HMGB1: variants seen among roughly 807,000 people sequenced by gnomAD.
The protein encoded by HMGB1 is high mobility group protein B1.
For synonymous variants in HMGB1, 81 were observed against 84.0 expected, an observed-to-expected ratio of 0.96 and a Z score of 0.19; for missense variants, 79 against 253.5, an observed-to-expected ratio of 0.31 and a Z score of 4.67.
rs557188960 is a variant in HMGB1, at chr13:30,495,706, C to A, written c.-14-32012G>T. Reference sequence around the variant, plus strand: ...TGTTAGCCAGGATGGTCTCGATCTCCTGACCCTGTGATCCGCCCGCGTTGG... The same window carrying A: ...TGTTAGCCAGGATGGTCTCGATCTCATGACCCTGTGATCCGCCCGCGTTGG... On this transcript the variant is annotated intron_variant, in intron 1 of 4. Coordinates refer to the HMGB1 transcript ENST00000405805. Among the ~76,000 whole-genome samples the A allele has an allele frequency of 5.9e-5, 9 of 152,298 alleles. 1 individual carries two copies. The South Asian group carries it at 1.9e-3, about 32-fold the overall frequency.
intron 1 of HMGB1, chr13:30,464,057 G>T (rs1886539513): frequency 1.0e-6 from 1 of 969,478 alleles, no homozygotes; most frequent in South Asian, 4.7e-5. Flanking sequence ...CCAAAGGTCA[G>T]AAAACATGCT....
chr13:30,488,533 G>A (rs1462224041), intron 1 of HMGB1, among the ~76,000 whole-genome samples: 1 of 151,890 alleles, frequency 6.6e-6, no homozygotes, highest in Non-Finnish European at 1.5e-5. Flanking sequence ...GCCCAGGCTG[G>A]AGTGCAGTGG....
chr13:30,564,279 A>C (rs1198553909), intron 1 of HMGB1, among the ~76,000 whole-genome samples: 2 of 34,094 alleles, frequency 5.9e-5, no homozygotes, highest in East Asian at 3.0e-3. Flanking sequence ...CTAAAAATGC[A>C]AAAAAAAAAA....
chr13:30,610,783 A>T (rs1441365003), intron 1 of HMGB1, among the ~76,000 whole-genome samples: 1 of 152,220 alleles, frequency 6.6e-6, no homozygotes, highest in Non-Finnish European at 1.5e-5. Flanking sequence ...GCTTAGCAAA[A>T]CAGAGGTAGG....
chr13:30,531,568 AT>A (rs1888497074), intron 1 of HMGB1, among the ~76,000 whole-genome samples: 1 of 143,340 alleles, frequency 7.0e-6, no homozygotes, highest in African/African-American at 2.7e-5. Flanking sequence ...TTTCAGCGAA[AT>A]TTTTTTCCTG....
intron 1 of HMGB1, chr13:30,463,987 G>T: frequency 2.1e-6 from 1 of 472,836 alleles, no homozygotes; most frequent in Non-Finnish European, 2.9e-6. Context: ...CTCTGAATGA[G>T]TATCTAACTG....
At chr13:30,505,266 C>T (rs925179458) in intron 1 of HMGB1, among the ~76,000 whole-genome samples, 2 of 152,102 alleles carry the variant, frequency 1.3e-5, no homozygotes, top group Non-Finnish European at 2.9e-5. Context: ...GCAACCTCCG[C>T]CTCCTGGGTT....
At chr13:30,603,983 T>C (rs1212516081) in intron 1 of HMGB1, among the ~76,000 whole-genome samples, 2 of 152,198 alleles carry the variant, frequency 1.3e-5, no homozygotes, top group Non-Finnish European at 2.9e-5. Flanking sequence ...AACGACTGTA[T>C]GCATTTTGAC....
intron 1 of HMGB1, among the ~76,000 whole-genome samples, chr13:30,529,028 CAAAAAAAAAAAAAA>C (rs59654057): frequency 2.5e-3 from 132 of 53,548 alleles, no homozygotes; most frequent in African/African-American, 8.3e-3. Context: ...GACTGCGTCT[CAAAAAAAAAAAAAA>C]AAAAAAAAAA....
intron 1 of HMGB1, among the ~76,000 whole-genome samples, chr13:30,491,326 G>A (rs552424346): frequency 5.6e-5 from 8 of 143,242 alleles, no homozygotes; most frequent in African/African-American, 1.8e-4. Flanking sequence ...CACCGCGCCT[G>A]GCCCATAGGA....
exon 1 of HMGB1, chr13:30,617,419 C>CT (rs1950578793): frequency 6.6e-6 from 1 of 151,992 alleles, no homozygotes. Flanking sequence ...CGCGGCCCAG[C>CT]TGTGAAGGCC....
At chr13:30,550,416 T>C (rs1248161227) in intron 1 of HMGB1, among the ~76,000 whole-genome samples, 1 of 152,194 alleles carries the variant, frequency 6.6e-6, no homozygotes, top group Non-Finnish European at 1.5e-5. Context: ...AACGACTGAA[T>C]GGAATGAGAG....
chr13:30,540,718 G>C (rs993566901), intron 1 of HMGB1: 1 of 152,048 alleles, frequency 6.6e-6, no homozygotes, highest in African/African-American at 2.4e-5. Flanking sequence ...CTGAGTAGCT[G>C]GGATTACAGG....
chr13:30,519,498 A>C (rs996192842), intron 1 of HMGB1, among the ~76,000 whole-genome samples: 2 of 150,818 alleles, frequency 1.3e-5, no homozygotes, highest in Non-Finnish European at 2.9e-5. Flanking sequence ...GATCGAGACC[A>C]TCCCGGCTAA....
At chr13:30,488,237 C>T (rs575151618) in intron 1 of HMGB1, among the ~76,000 whole-genome samples, 18 of 152,146 alleles carry the variant, frequency 1.2e-4, no homozygotes, top group African/African-American at 2.9e-4. Context: ...TAATTATAGC[C>T]GACCAGTAAA....
intron 1 of HMGB1, among the ~76,000 whole-genome samples, chr13:30,484,673 T>C (rs1246085616): frequency 6.6e-6 from 1 of 151,596 alleles, no homozygotes; most frequent in African/African-American, 2.4e-5. Flanking sequence ...AGTTCAAAAC[T>C]AGCCTAGGAA....
chr13:30,589,068 C>T (rs913073625), intron 1 of HMGB1, among the ~76,000 whole-genome samples: 33 of 150,064 alleles, frequency 2.2e-4, no homozygotes, highest in Middle Eastern at 3.2e-3. Context: ...GGCAATGGCA[C>T]GATCTTGGCT....
At position 30,616,371 on chromosome 13, in the gene HMGB1, T is replaced by C. The variant is rs542277930; in HGVS notation, c.-15+300A>G. Among the ~76,000 whole-genome samples, 4 of 152,378 alleles carry C rather than the reference T, an allele frequency of 2.6e-5. No individual in the cohort carries two copies. The East Asian group carries it at 7.7e-4, about 29-fold the overall frequency. On this transcript the variant is annotated intron_variant, in intron 1 of 4. Coordinates refer to the HMGB1 transcript ENST00000405805. ...TAAAAAATACAATTCAGTTTGGTGA[T>C]GTTGTTTTGCAGTCTTACAATTTTA...
intron 1 of HMGB1, among the ~76,000 whole-genome samples, chr13:30,589,985 A>C (rs1308817788): frequency 6.6e-6 from 1 of 152,196 alleles, no homozygotes; most frequent in African/African-American, 2.4e-5. Context: ...CTTTAAATAG[A>C]TAAGAAAGGA....
Sources: allele counts gnomAD v4.1 joint callset (sites outside exome capture counted in the v4.1 genomes callset), GRCh38; gene constraint gnomAD v4.1.1; transcripts MANE v1.5; gene names NCBI Gene and HGNC (gene_info 2026-07-23, HGNC 2026-07-21).